The following PTPRT variants were observed in gnomAD, a reference collection of about 807,000 sequenced individuals.
The protein encoded by PTPRT is receptor-type tyrosine-protein phosphatase T.
A neutral mutation model predicts 176.8 loss-of-function variants in PTPRT; 56 were observed. That is an observed-to-expected ratio of 0.32 (90% CI 0.26 to 0.40). The LOEUF is 0.40. Ranked by LOEUF, PTPRT falls within the 10% of genes least tolerant of loss-of-function variation. The pLI is 1.00. For synonymous variants in PTPRT, 783 were observed against 739.0 expected (o/e 1.06, Z -0.96); for missense variants, 1,540 against 1,908.2 (o/e 0.81, Z 3.60).
chr20:42,887,996 T>C (rs2079129754), intron 1 of PTPRT, among the ~76,000 whole-genome samples: 1 of 152,186 alleles, frequency 6.6e-6, no homozygotes. Context: ...GTGCCATCTA[T>C]AAGGAAGGGA....
intron 2 of PTPRT, among the ~76,000 whole-genome samples, chr20:42,876,679 G>C (rs2078937224): frequency 6.6e-6 from 1 of 151,704 alleles, no homozygotes; most frequent in Non-Finnish European, 1.5e-5. Flanking sequence ...GGGTCCTCCT[G>C]AAACCACTTT....
chr20:42,232,312 C>A (rs957578622), intron 15 of PTPRT, among the ~76,000 whole-genome samples: 1 of 152,152 alleles, frequency 6.6e-6, no homozygotes, highest in Non-Finnish European at 1.5e-5. Flanking sequence ...TATTACTTTT[C>A]CTATTTTATA....
intron 1 of PTPRT, among the ~76,000 whole-genome samples, chr20:42,931,145 A>T (rs764391670): frequency 1.3e-5 from 2 of 152,156 alleles, no homozygotes; most frequent in Non-Finnish European, 2.9e-5. Flanking sequence ...GATTTGAATT[A>T]TATCCCCTAA....
intron 8 of PTPRT, among the ~76,000 whole-genome samples, chr20:42,459,353 C>A (rs1006390184): frequency 4.6e-5 from 7 of 152,188 alleles, no homozygotes; most frequent in Non-Finnish European, 1.0e-4. Flanking sequence ...ATGTGAGTGA[C>A]AAGAGAAACC....
At chr20:42,561,009 G>A (rs2072943311) in intron 7 of PTPRT, among the ~76,000 whole-genome samples, 1 of 152,142 alleles carries the variant, frequency 6.6e-6, no homozygotes, top group African/African-American at 2.4e-5. Flanking sequence ...GAAGGTCTAG[G>A]AGGCCTCTGA....
chr20:43,018,870 T>G (rs534171322), intron 1 of PTPRT, among the ~76,000 whole-genome samples: 1 of 152,318 alleles, frequency 6.6e-6, no homozygotes, highest in South Asian at 2.1e-4. Context: ...GGAAAACTTT[T>G]ACAGGATTAG....
intron 16 of PTPRT, among the ~76,000 whole-genome samples, chr20:42,197,264 A>C (rs1991261597): frequency 6.6e-6 from 1 of 150,928 alleles, no homozygotes; most frequent in Non-Finnish European, 1.5e-5. Flanking sequence ...CTGTATTCCC[A>C]GCTACTTGGG....
chr20:42,993,450 A>G (rs1984038357), intron 1 of PTPRT, among the ~76,000 whole-genome samples: 1 of 113,372 alleles, frequency 8.8e-6, no homozygotes, highest in South Asian at 2.3e-4. Flanking sequence ...GTATATATAT[A>G]TATGTATGTG....
chr20:42,150,967 C>T (rs966471767), intron 17 of PTPRT, among the ~76,000 whole-genome samples: 5 of 152,024 alleles, frequency 3.3e-5, no homozygotes, highest in Non-Finnish European at 5.9e-5. Flanking sequence ...AGTGACTACC[C>T]GATACAATAC....
At chr20:42,042,863 G>T in the PTPRT span, among the ~76,000 whole-genome samples, 1 of 152,246 alleles carries the variant, frequency 6.6e-6, no homozygotes, top group African/African-American at 2.4e-5. Context: ...GTGTAGTGTG[G>T]TATTGGATCC....
chr20:42,093,269 C>T (rs1161364473), intron 27 of PTPRT, among the ~76,000 whole-genome samples: 2 of 152,198 alleles, frequency 1.3e-5, no homozygotes, highest in African/African-American at 2.4e-5. Flanking sequence ...TGAAAATGTT[C>T]TTTCTGCTGA....
At chr20:42,082,778 G>C (rs567092075) in intron 29 of PTPRT, among the ~76,000 whole-genome samples, 1 of 152,238 alleles carries the variant, frequency 6.6e-6, no homozygotes, top group Non-Finnish European at 1.5e-5. Context: ...GACAGTCCCT[G>C]TAGGAATATG....
intron 16 of PTPRT, among the ~76,000 whole-genome samples, chr20:42,192,289 A>T (rs369436793): frequency 6.6e-6 from 1 of 152,196 alleles, no homozygotes; most frequent in Non-Finnish European, 1.5e-5. Context: ...GAATCTTTAC[A>T]AAGAGTTTAC....
At chr20:43,081,507 T>C (rs2011441887) in intron 1 of PTPRT, among the ~76,000 whole-genome samples, 1 of 152,220 alleles carries the variant, frequency 6.6e-6, no homozygotes, top group African/African-American at 2.4e-5. Flanking sequence ...TTCTCTCTTT[T>C]TATTCCTTGA....
At chr20:42,162,307 G>C (rs546992992) in intron 16 of PTPRT, among the ~76,000 whole-genome samples, 5 of 152,100 alleles carry the variant, frequency 3.3e-5, no homozygotes, top group Non-Finnish European at 5.9e-5. Flanking sequence ...ATGTCTCATC[G>C]CCTTCATAAA....
At chr20:42,036,776 G>T in the PTPRT span, among the ~76,000 whole-genome samples, 2 of 152,138 alleles carry the variant, frequency 1.3e-5, no homozygotes, top group Admixed American at 6.5e-5. Flanking sequence ...CAGGTGAGGA[G>T]ACCCAGGGAG....
chr20:42,726,134 T>A (rs1488114390), intron 6 of PTPRT, among the ~76,000 whole-genome samples: 7 of 151,254 alleles, frequency 4.6e-5, no homozygotes. Flanking sequence ...GGCTGGAGTG[T>A]AATGGCATGA....
intron 13 of PTPRT, among the ~76,000 whole-genome samples, chr20:42,252,982 C>G (rs2056573257): frequency 1.3e-5 from 2 of 152,344 alleles, no homozygotes; most frequent in South Asian, 4.1e-4. Context: ...CTTTGGCACT[C>G]TTTAGGGGAA....
chr20:42,888,021 C>G (rs1222149770), intron 1 of PTPRT, among the ~76,000 whole-genome samples: 1 of 152,090 alleles, frequency 6.6e-6, no homozygotes, highest in East Asian at 1.9e-4. Flanking sequence ...TACCAAGTAC[C>G]AAATCTGCTA....
Sources: gnomAD v4.1 joint callset for allele counts (sites outside exome capture counted in the v4.1 genomes callset) on GRCh38, gnomAD v4.1.1 for gene constraint, MANE v1.5 for transcripts, NCBI Gene and HGNC (gene_info 2026-07-23, HGNC 2026-07-21) for gene names.